CEP70: variants seen among roughly 807,000 people sequenced by gnomAD.
The protein encoded by CEP70 is centrosomal protein of 70 kDa.
A neutral mutation model predicts 90.9 loss-of-function variants in CEP70; 70 were observed. The ratio of observed to expected loss-of-function variants is 0.77; its 90% CI spans 0.64 to 0.94. The LOEUF (loss-of-function observed/expected upper bound fraction) is 0.94. CEP70 is among the 40% of genes least tolerant of loss of function. The pLI is 0.00. For missense variants in CEP70, 648 were observed against 669.0 expected (o/e 0.97, Z 0.35); for synonymous variants, 220 against 228.3 (o/e 0.96, Z 0.33).
intron 11 of CEP70, among the ~76,000 whole-genome samples, chr3:138,516,488 C>G (rs2036039712): frequency 6.6e-6 from 1 of 152,068 alleles, no homozygotes; most frequent in African/African-American, 2.4e-5. Flanking sequence ...TGGGCTCAAG[C>G]AATCTTCCCA....
At chr3:138,557,435 T>A (rs143985170) in intron 6 of CEP70, among the ~76,000 whole-genome samples, 1 of 152,150 alleles carries the variant, frequency 6.6e-6, no homozygotes, top group African/African-American at 2.4e-5. Flanking sequence ...AGGGTATTGA[T>A]TGGGGAAGTG....
rs998715089 is a variant in CEP70 at position 138,517,630 on chromosome 3, C to A, written c.944+7860G>T. On this transcript the variant is annotated intron_variant, in intron 11 of 17. Coordinates refer to ENST00000264982, the MANE Select transcript of CEP70 (RefSeq NM_024491.4). Reference sequence around the variant, plus strand: ...CTTGCAGTGAGCTGAGATTGTGCCACTGCACTCCAGCATGGGCGACAGAGC... The same window carrying A: ...CTTGCAGTGAGCTGAGATTGTGCCAATGCACTCCAGCATGGGCGACAGAGC... 2.0e-5 allele frequency among the ~76,000 whole-genome samples: 3 copies of A among 152,330 alleles called. No homozygotes were observed. The East Asian group carries it at 5.8e-4, about 29-fold the overall frequency.
intron 17 of CEP70, chr3:138,497,328 C>CT: frequency 1.6e-6 from 2 of 1,225,096 alleles, no homozygotes; most frequent in Non-Finnish European, 1.0e-6. Context: ...AAGAGCCATT[C>CT]TTTAAAAAAA....
intron 6 of CEP70, among the ~76,000 whole-genome samples, chr3:138,567,500 A>G (rs964508859): frequency 5.3e-5 from 8 of 152,222 alleles, no homozygotes; most frequent in African/African-American, 1.9e-4. Context: ...CCCTTCCTTT[A>G]TTAGCCTAAA....
At chr3:138,500,285 C>A (rs1194241636) in intron 15 of CEP70, 61 bp from the exon 16 acceptor site, 3 of 1,510,768 alleles carry the variant, frequency 2.0e-6, no homozygotes, top group Non-Finnish European at 2.7e-6. Context: ...ATACATCAAA[C>A]ATTTTATGCT....
intron 2 of CEP70, among the ~76,000 whole-genome samples, chr3:138,581,514 G>T (rs927387244): frequency 6.6e-6 from 1 of 151,518 alleles, no homozygotes; most frequent in African/African-American, 2.4e-5. Context: ...GACCAGCCTG[G>T]CCAACGTGGT....
chr3:138,530,925 C>A (rs1369445327), intron 8 of CEP70: 1 of 789,664 alleles, frequency 1.3e-6, no homozygotes, highest in Non-Finnish European at 1.5e-6. Context: ...TCAATGAATC[C>A]CGAAAAACTC....
intron 2 of CEP70, among the ~76,000 whole-genome samples, chr3:138,588,680 C>T (rs1175350608): frequency 6.6e-6 from 1 of 152,196 alleles, no homozygotes; most frequent in Non-Finnish European, 1.5e-5. Flanking sequence ...TTGGCTATTT[C>T]TTAAAAGGTT....
chr3:138,538,236 C>A (rs923394050), intron 6 of CEP70, among the ~76,000 whole-genome samples: 4 of 152,156 alleles, frequency 2.6e-5, no homozygotes, highest in Non-Finnish European at 5.9e-5. Flanking sequence ...CCCCAGCCTG[C>A]AAAATCTGCT....
In CEP70 at chr3:138,591,913, A is replaced by T; in HGVS notation, c.-65T>A. On this transcript the variant is annotated 5_prime_UTR_variant, in exon 2 of 18. Transcript: ENST00000264982. ...CTGGTCATTCAGGTTGATCTCAATG[A>T]AATGATCACCCAACGAGTCTCATGT... 7.1e-7 allele frequency: 1 copy of T among 1,415,828 alleles called. No individual in the cohort carries two copies. Among genetic ancestry groups the T allele is most frequent in the Non-Finnish European group, 9.4e-7 (1 of 1,061,650 alleles). 87.7% of individuals were successfully genotyped at this position (1,415,828 alleles called of 1,614,324 possible).
intron 12 of CEP70, 21 bp downstream of exon 12, chr3:138,508,418 C>T (rs2035194617): frequency 6.9e-7 from 1 of 1,456,078 alleles, no homozygotes; most frequent in Admixed American, 1.7e-5. Context: ...GTCTTTTTGT[C>T]ATGAAAAATC....
chr3:138,570,762 G>A (rs1235608207), intron 5 of CEP70, among the ~76,000 whole-genome samples: 3 of 152,078 alleles, frequency 2.0e-5, no homozygotes, highest in Admixed American at 1.3e-4. Flanking sequence ...TCATGTTGGT[G>A]CTCAAAAAGT....
At chr3:138,530,955 CTT>C (rs1361657821) in intron 8 of CEP70, 3 of 418,834 alleles carry the variant, frequency 7.2e-6, no homozygotes, top group Non-Finnish European at 9.6e-6. Flanking sequence ...GAGAGAGACT[CTT>C]TTTATTGCTG....
chr3:138,522,105 C>T lies in CEP70; in HGVS notation c.944+3385G>A, dbSNP rs141466481. 3.9e-3 allele frequency among the ~76,000 whole-genome samples: 596 copies of T among 152,078 alleles called. 3 individuals carry two copies. Among genetic ancestry groups the T allele is most frequent in the African/African-American group, 0.014 (573 of 41,466 alleles). On this transcript the variant is annotated intron_variant, in intron 11 of 17. Transcript: ENST00000264982. The stretch of plus-strand genomic sequence containing the variant: ...GCAGCATGCTCCTTAAGAGTCATCA[C>T]CACTTCCTAATTTCAAGTACCCATG...
At chr3:138,559,626 G>A (rs550028949) in intron 6 of CEP70, among the ~76,000 whole-genome samples, 1 of 152,308 alleles carries the variant, frequency 6.6e-6, no homozygotes, top group South Asian at 2.1e-4. Flanking sequence ...TCAGGTGACT[G>A]AGGTGGGAGG....
intron 7 of CEP70, 41 bp from the exon 8 acceptor site, chr3:138,532,611 G>C: frequency 1.3e-6 from 1 of 750,448 alleles, no homozygotes; most frequent in Non-Finnish European, 1.9e-6. Context: ...AATGCGGTAT[G>C]GTATTACAGC....
chr3:138,573,718 C>A (rs2041334810), intron 2 of CEP70, among the ~76,000 whole-genome samples: 1 of 152,092 alleles, frequency 6.6e-6, no homozygotes, highest in African/African-American at 2.4e-5. Flanking sequence ...ATAAAATGTA[C>A]AATTAAAATG....
At chr3:138,514,072 T>C (rs937506210) in intron 11 of CEP70, among the ~76,000 whole-genome samples, 3 of 152,176 alleles carry the variant, frequency 2.0e-5, no homozygotes, top group Non-Finnish European at 2.9e-5. Context: ...TCCTTTACTC[T>C]CTTTAAGATG....
rs369412954 is a variant in CEP70 at position 138,567,781 on chromosome 3, C to T, written c.465+2537G>A. ...GTTCTAGCAACCTCTTTAAGCCCAA[C>T]ATCCATGGGTTTCTCCCATGTATAT... On this transcript the variant is annotated intron_variant, in intron 6 of 17. Transcript: ENST00000264982. Among the ~76,000 whole-genome samples, 17 of 152,314 alleles carry T rather than the reference C, an allele frequency of 1.1e-4. No individual in the cohort carries two copies. In the East Asian group the frequency reaches 1.5e-3, roughly 14 times the overall value.
Sources: allele counts gnomAD v4.1 joint callset (sites outside exome capture counted in the v4.1 genomes callset), GRCh38; gene constraint gnomAD v4.1.1; transcripts MANE v1.5; gene names NCBI Gene and HGNC (gene_info 2026-07-23, HGNC 2026-07-21).